The following PLD5 variants were observed in gnomAD, a reference collection of about 807,000 sequenced individuals.
PLD5 encodes inactive phospholipase D5.
PLD5 carries 36 observed loss-of-function variants against 61.1 expected under a neutral mutation model. The ratio of observed to expected loss-of-function variants is 0.59; its 90% CI spans 0.45 to 0.78. The LOEUF is 0.78. Ranked by LOEUF, PLD5 falls within the 30% of genes least tolerant of loss-of-function variation. The probability of loss-of-function intolerance (pLI) is 0.00; values close to 1 mark genes in which losing one functional copy is unlikely to be tolerated. For synonymous variants in PLD5, 243 were observed against 242.8 expected, an observed-to-expected ratio of 1.00 and a Z score of -0.01; for missense variants, 515 against 644.4, an observed-to-expected ratio of 0.80 and a Z score of 2.17.
intron 6 of PLD5, among the ~76,000 whole-genome samples, chr1:242,123,465 G>A (rs1050329039): frequency 6.6e-5 from 10 of 152,086 alleles, no homozygotes; most frequent in Non-Finnish European, 1.2e-4. Flanking sequence ...ACATCCCATC[G>A]CAGAGCACAC....
chr1:242,135,107 T>C (rs1663611829), intron 5 of PLD5, among the ~76,000 whole-genome samples: 1 of 152,210 alleles, frequency 6.6e-6, no homozygotes, highest in African/African-American at 2.4e-5. Context: ...GGGGTAGTAA[T>C]GAAATGCATA....
intron 1 of PLD5, among the ~76,000 whole-genome samples, chr1:242,518,111 G>A (rs532168882): frequency 8.5e-5 from 13 of 152,308 alleles, no homozygotes; most frequent in Non-Finnish European, 1.3e-4. Flanking sequence ...AACTTGGGCC[G>A]ACTTCAACTG....
chr1:242,278,204 CA>C (rs200768740), intron 3 of PLD5, among the ~76,000 whole-genome samples: 17 of 150,222 alleles, frequency 1.1e-4, no homozygotes, highest in Middle Eastern at 3.4e-3. Context: ...GTGAAAGTAC[CA>C]AAAAAAATGG....
intron 1 of PLD5, among the ~76,000 whole-genome samples, chr1:242,428,279 A>AT (rs1415039984): frequency 6.6e-6 from 1 of 152,178 alleles, no homozygotes; most frequent in Non-Finnish European, 1.5e-5. Context: ...ATCACTTCCT[A>AT]TTTTGCCTTC....
At chr1:242,475,146 G>A (rs749935117) in intron 1 of PLD5, among the ~76,000 whole-genome samples, 27 of 152,332 alleles carry the variant, frequency 1.8e-4, no homozygotes, top group Non-Finnish European at 3.1e-4. Flanking sequence ...TCATCTTTAA[G>A]CCCAAGTAAC....
intron 9 of PLD5, among the ~76,000 whole-genome samples, chr1:242,094,367 C>T (rs542619438): frequency 2.0e-5 from 3 of 152,102 alleles, no homozygotes; most frequent in Admixed American, 6.6e-5. Flanking sequence ...CAAATGTACC[C>T]TGGAGATTTC....
chr1:242,376,261 TCA>T (rs1661948211), intron 1 of PLD5, among the ~76,000 whole-genome samples: 1 of 152,136 alleles, frequency 6.6e-6, no homozygotes, highest in Admixed American at 6.6e-5. Flanking sequence ...ATTCCTGGCT[TCA>T]GTTTTTATCC....
Position 242,089,408 on chromosome 1 carries a change from TTA to T in PLD5, c.*444_*445del. 1 of 401,622 alleles carries T rather than the reference TTA, an allele frequency of 2.5e-6. No individual in the cohort carries two copies. Among genetic ancestry groups the T allele is most frequent in the Non-Finnish European group, 4.4e-6 (1 of 228,106 alleles). 24.9% of individuals were successfully genotyped at this position (401,622 alleles called of 1,614,324 possible). A position where few individuals can be genotyped will look rare whatever the true frequency, so the allele number is the denominator to read the frequency against. ...TGACTGTGTAGGTCTTGGAGACGAT[TTA>T]CAAGAATAAACACTTGGTTTTATCA... is the stretch of plus-strand genomic sequence containing the variant. On this transcript the variant is annotated 3_prime_UTR_variant, in exon 10 of 10. Transcript: ENST00000536534.
chr1:242,253,530 G>T (rs924794644), intron 4 of PLD5, among the ~76,000 whole-genome samples: 9 of 151,618 alleles, frequency 5.9e-5, no homozygotes, highest in African/African-American at 2.2e-4. Flanking sequence ...AGCCAGGATG[G>T]TCTCGATCTC....
At chr1:242,359,199 C>A (rs115653501) in intron 1 of PLD5, among the ~76,000 whole-genome samples, 3,229 of 152,286 alleles carry the variant, frequency 0.021, 51 homozygotes, top group East Asian at 0.033. Flanking sequence ...GGTGATCTGG[C>A]TGTGCCATAT....
At position 242,124,488 on chromosome 1, in the gene PLD5, T is replaced by C; in HGVS notation, c.913A>G (p.Lys305Glu). ...KKLQLQLNET[K>E]SQAFVSNSPK... is the part of the protein sequence containing the mutation. ...CTCACCGATACAAATGCTTGAGATT[T>C]GGTTTCATTCAACTGAAGTTGCAAT... Residue 305 changes from lysine to glutamate, a missense_variant, in exon 6 of 10, where the codon AAA becomes GAA. Lys to Glu is a moderately conservative substitution (Grantham distance 56). This residue lies in a region of PLD5 where 450 missense variants were observed against 598.1 expected (regional missense o/e 0.75). Coordinates refer to ENST00000536534, the MANE Select transcript of PLD5 (RefSeq NM_001372062.1). 1 of 1,613,974 alleles carries C rather than the reference T, an allele frequency of 6.2e-7. No homozygotes were observed. The highest frequency in any genetic ancestry group is 8.5e-7 in the Non-Finnish European group (1 of 1,179,920).
chr1:242,331,132 T>C (rs1659143378), intron 2 of PLD5, among the ~76,000 whole-genome samples: 1 of 152,180 alleles, frequency 6.6e-6, no homozygotes, highest in South Asian at 2.1e-4. Flanking sequence ...GCACATGACA[T>C]ACACTGGCAC....
At chr1:242,111,272 G>A (rs192057559) in intron 7 of PLD5, among the ~76,000 whole-genome samples, 2 of 152,094 alleles carry the variant, frequency 1.3e-5, no homozygotes, top group Admixed American at 1.3e-4. Flanking sequence ...GGCCAGGCTG[G>A]TGTTGAACTC....
intron 5 of PLD5, among the ~76,000 whole-genome samples, chr1:242,202,941 C>G (rs1048943059): frequency 6.6e-6 from 1 of 151,902 alleles, no homozygotes; most frequent in Non-Finnish European, 1.5e-5. Flanking sequence ...CTTTGTTTAC[C>G]CGAGAGACCG....
At chr1:242,137,601 C>T (rs1663840480) in intron 5 of PLD5, among the ~76,000 whole-genome samples, 1 of 152,040 alleles carries the variant, frequency 6.6e-6, no homozygotes, top group African/African-American at 2.4e-5. Flanking sequence ...GAAGATTTTC[C>T]ATTAGCCAGC....
chr1:242,308,562 C>T (rs535642376), intron 2 of PLD5, among the ~76,000 whole-genome samples: 2 of 151,876 alleles, frequency 1.3e-5, no homozygotes, highest in South Asian at 4.2e-4. Context: ...AGTGAGTGTG[C>T]ATATGCATAT....
chr1:242,173,145 C>G (rs373264801), intron 5 of PLD5, among the ~76,000 whole-genome samples: 1 of 152,076 alleles, frequency 6.6e-6, no homozygotes, highest in Non-Finnish European at 1.5e-5. Flanking sequence ...GATTGTATAT[C>G]TAGAAAACCC....
At chr1:242,124,810 A>G in intron 5 of PLD5, 145 bp from the exon 6 acceptor site, 1 of 668,156 alleles carries the variant, frequency 1.5e-6, no homozygotes, top group Admixed American at 3.1e-5. Context: ...ATTATGGTAC[A>G]TAGAGGTGAT....
chr1:242,380,477 G>T (rs1662212193), intron 1 of PLD5, among the ~76,000 whole-genome samples: 1 of 152,156 alleles, frequency 6.6e-6, no homozygotes, highest in Non-Finnish European at 1.5e-5. Context: ...GAAGTACTAA[G>T]AATGCTCAAT....
Sources: allele counts gnomAD v4.1 joint callset (sites outside exome capture counted in the v4.1 genomes callset), GRCh38; gene constraint gnomAD v4.1.1; regional missense constraint gnomAD v4.1.1; transcripts MANE v1.5; gene names NCBI Gene and HGNC (gene_info 2026-07-23, HGNC 2026-07-21).